Variants in PIK3R2 observed in about 807,000 individuals in gnomAD.
The protein encoded by PIK3R2 is phosphoinositide-3-kinase regulatory subunit 2.
Under a neutral mutation model 78.5 loss-of-function variants are expected in PIK3R2, and 40 were observed. That is an observed-to-expected ratio of 0.51 (90% CI 0.40 to 0.66). The LOEUF (loss-of-function observed/expected upper bound fraction) is 0.66, where lower values mean the gene tolerates loss of function less well. Ranked by LOEUF, PIK3R2 falls within the 30% of genes least tolerant of loss-of-function variation. The pLI is 0.00. For synonymous variants in PIK3R2, 473 were observed against 457.7 expected, an observed-to-expected ratio of 1.03 and a Z score of -0.43; for missense variants, 880 against 1,026.6, an observed-to-expected ratio of 0.86 and a Z score of 1.95.
In PIK3R2 at chr19:18,161,996, G is replaced by A. The variant is rs2147951468; in HGVS notation, c.846G>A (p.Leu282=). 6.2e-7 allele frequency: 1 copy of A among 1,614,054 alleles called. No individual in the cohort carries two copies. Among genetic ancestry groups the A allele is most frequent in the Non-Finnish European group, 8.5e-7 (1 of 1,179,966 alleles). ...GSEPSPDFPA[L]LVEKLLQEHL... ...AGCCCAGCCCTGACTTCCCGGCGCT[G>A]CTGGTGGAGAAGCTGCTTCAGGAAC... is the stretch of plus-strand genomic sequence containing the variant. Residue 282 remains leucine, a synonymous_variant, in exon 7 of 16, where the codon CTG becomes CTA. Coordinates refer to ENST00000222254, the MANE Select transcript of PIK3R2 (RefSeq NM_005027.4). This position sits in a 1 kb window ranked among gnomAD's most constrained non-coding sequence, Gnocchi z 5.3.
In PIK3R2 at chr19:18,156,228, A is replaced by AG. The variant is rs752802162; in HGVS notation, c.322+33dup. The AG allele has an allele frequency of 1.3e-4, 188 of 1,452,352 alleles. No individual in the cohort carries two copies. Among genetic ancestry groups the AG allele is most frequent in the East Asian group, 1.0e-3 (39 of 39,016 alleles). The allele number at this position is 1,452,352 out of a possible 1,614,324, so 90.0% of individuals were successfully genotyped here. A position where few individuals can be genotyped will look rare whatever the true frequency, so the allele number is the denominator to read the frequency against. Reference sequence around the variant, plus strand: ...TGAGCAGCAAGCAGGGGCCCTGGAAAGGGGGGTGGTCCCCTCAGACCCTTG... The same window carrying AG: ...TGAGCAGCAAGCAGGGGCCCTGGAAAGGGGGGGTGGTCCCCTCAGACCCTTG... On this transcript the variant is annotated intron_variant, in intron 2 of 15. Coordinates refer to ENST00000222254, the MANE Select transcript of PIK3R2 (RefSeq NM_005027.4). This position sits in a 1 kb window ranked among gnomAD's most constrained non-coding sequence, Gnocchi z 4.2.
chr19:18,158,649 A>G (rs2043706437), intron 2 of PIK3R2, among the ~76,000 whole-genome samples: 1 of 152,110 alleles, frequency 6.6e-6, no homozygotes, highest in Admixed American at 6.6e-5. Flanking sequence ...ATGAGAGGCA[A>G]TGTCATTGGC....
chr19:18,162,689 G>C (rs2043762615), intron 9 of PIK3R2, 183 bp downstream of exon 9: 4 of 617,168 alleles, frequency 6.5e-6, no homozygotes, highest in Middle Eastern at 4.3e-4. Context: ...TTTAAAACCA[G>C]CCTGGCCAAC....
intron 11 of PIK3R2, 82 bp from the exon 12 acceptor site, chr19:18,166,078 T>C (rs1288952641): frequency 1.3e-6 from 2 of 1,564,254 alleles, no homozygotes; most frequent in Non-Finnish European, 1.8e-6. Context: ...AGTCTCCGTA[T>C]CAGAGTTGAG....
Position 18,155,806 on chromosome 19 carries a change from T to C in PIK3R2, c.-74T>C. The C allele has an allele frequency of 7.2e-7, 1 of 1,386,528 alleles. No individual in the cohort carries two copies. The highest frequency in any genetic ancestry group is 9.6e-7 in the Non-Finnish European group (1 of 1,036,566). The allele number at this position is 1,386,528 out of a possible 1,614,324, so 85.9% of individuals were successfully genotyped here. ...CCAACCCAGCGGACCCTCCCAGCCC[T>C]GCTTCAACCAATGGGGCCAGTGGGG... On this transcript the variant is annotated 5_prime_UTR_variant, in exon 2 of 16. Coordinates refer to ENST00000222254, the MANE Select transcript of PIK3R2 (RefSeq NM_005027.4).
At chr19:18,157,332 C>T (rs983731701) in intron 2 of PIK3R2, among the ~76,000 whole-genome samples, 2 of 152,208 alleles carry the variant, frequency 1.3e-5, no homozygotes, top group Admixed American at 6.5e-5. Context: ...CCACCTCCCT[C>T]CTCTGCCTGG....
chr19:18,160,843 G>C, intron 3 of PIK3R2, 76 bp from the exon 4 acceptor site: 1 of 1,526,530 alleles, frequency 6.6e-7, no homozygotes, highest in Non-Finnish European at 8.9e-7. Context: ...CTGCAGGGGG[G>C]TTGAGCGGCC....
rs770445875 is a variant in PIK3R2 at position 18,160,961 on chromosome 19, C to T, written c.458C>T (p.Pro153Leu). The T allele has an allele frequency of 6.2e-6, 10 of 1,612,366 alleles. No individual in the cohort carries two copies. The African/African-American group carries it at 1.2e-4, about 19-fold the overall frequency. Residue 153 changes from proline (P) to leucine (L), a missense_variant, in exon 4 of 16, where the codon CCG (proline) becomes CTG (leucine). Physicochemically the swap from Pro to Leu is moderately conservative, Grantham distance 98. Around this residue, in one of 3 missense-constraint regions of PIK3R2, gnomAD observed 456 missense variants for 486.6 expected, o/e 0.94. Coordinates refer to ENST00000222254, the MANE Select transcript of PIK3R2 (RefSeq NM_005027.4). The part of the protein sequence containing the change: ...ESHYRPELPA[P>L]RTDWSLSDVD... ...CACTACCGCCCGGAGCTGCCCGCAC[C>T]GCGTACAGGTGAAGGGGAGCCTCAA...
Position 18,168,870 on chromosome 19 carries a change from G to A in PIK3R2, c.1953G>A (p.Gln651=), listed in dbSNP as rs112859649. The change falls in exon 15 of 16, where the codon CAG becomes CAA. Residue 651 remains glutamine (Q), a synonymous_variant. Coordinates refer to ENST00000222254, the MANE Select transcript of PIK3R2 (RefSeq NM_005027.4). The surrounding 1 kb of genome is among the most constrained non-coding windows in gnomAD (Gnocchi z 4.1). ...CCTTCCTCATCCGCGAGAGCAGCCAGCGGGGCTGCTACGCCTGCTCCGTGG... is the reference window on the plus strand; with the variant it reads ...CCTTCCTCATCCGCGAGAGCAGCCAACGGGGCTGCTACGCCTGCTCCGTGG... The part of the protein sequence containing the change: ...DGTFLIRESS[Q]RGCYACSVVV... The A allele has an allele frequency of 1.7e-4, 268 of 1,613,426 alleles. No homozygotes were observed. In the African/African-American group the frequency reaches 3.2e-3, roughly 19 times the overall value.
At position 18,155,681 on chromosome 19, in the gene PIK3R2, G is replaced by A. The variant is rs79144686; in HGVS notation, c.-199G>A. Reference sequence around the variant, plus strand: ...GCTGACGAATGGTGGACCCAGTGACGAGTGGCCCTTGTAAGGGTCATGGAA... The same window carrying A: ...GCTGACGAATGGTGGACCCAGTGACAAGTGGCCCTTGTAAGGGTCATGGAA... On this transcript the variant is annotated 5_prime_UTR_variant, in exon 2 of 16. Transcript: ENST00000222254. 8.9e-6 allele frequency: 5 copies of A among 559,196 alleles called. No individual in the cohort carries two copies. Among genetic ancestry groups the A allele is most frequent in the African/African-American group, 4.0e-5 (2 of 50,110 alleles). 34.6% of individuals were successfully genotyped at this position (559,196 alleles called of 1,614,324 possible).
Position 18,166,226 on chromosome 19 carries a change from G to A in PIK3R2, c.1483G>A (p.Gly495Ser), listed in dbSNP as rs776899735. The change falls in exon 12 of 16, where the codon GGC becomes AGC. Residue 495 changes from glycine to serine, a missense_variant. Transcript: ENST00000222254. Reference protein sequence around the residue: ...NETIKIFEEQGQTQEKCSKEY... With the variant: ...NETIKIFEEQSQTQEKCSKEY... ...GACTATCAAGATCTTTGAAGAGCAG[G>A]GCCAGACTCAAGAGAAATGCAGCAA... 1 of 1,613,974 alleles carries A rather than the reference G, an allele frequency of 6.2e-7. No homozygotes were observed. The highest frequency in any genetic ancestry group is 8.5e-7 in the Non-Finnish European group (1 of 1,179,992).
chr19:18,160,520 T>G lies in PIK3R2; in HGVS notation c.372T>G (p.Ala124=), dbSNP rs1242100967. The part of the protein sequence containing the change: ...LPEQFSPPDV[A]PPLLVKLVEA... ...AGCAGTTCTCCCCACCTGATGTGGCTCCCCCTCTTCTGGTGAAGCTTGTGG... is the reference window on the plus strand; with the variant it reads ...AGCAGTTCTCCCCACCTGATGTGGCGCCCCCTCTTCTGGTGAAGCTTGTGG... The change falls in exon 3 of 16, where the codon GCT becomes GCG. Residue 124 remains alanine (A), a synonymous_variant. Transcript: ENST00000222254. The G allele has an allele frequency of 6.2e-7, 1 of 1,613,602 alleles. No homozygotes were observed. Among genetic ancestry groups the G allele is most frequent in the Admixed American group, 1.7e-5 (1 of 59,978 alleles).
chr19:18,157,637 C>T (rs1407987077), intron 2 of PIK3R2, among the ~76,000 whole-genome samples: 2 of 152,190 alleles, frequency 1.3e-5, no homozygotes, highest in East Asian at 3.8e-4. Flanking sequence ...GAACCCCCTC[C>T]CCATTCTGCA....
chr19:18,167,192 A>G lies in PIK3R2; in HGVS notation c.1622A>G (p.Lys541Arg), dbSNP rs1195261837. ...RIAEIHESRTKLEQQLRAQAS... is the reference protein window; with the variant it reads ...RIAEIHESRTRLEQQLRAQAS... ...GCCGAGATCCATGAGAGCCGCACGAAGCTGGAGCAGCAGCTGCGGGCCCAG... is the reference window on the plus strand; with the variant it reads ...GCCGAGATCCATGAGAGCCGCACGAGGCTGGAGCAGCAGCTGCGGGCCCAG... Residue 541 changes from lysine (K) to arginine (R), a missense_variant, in exon 13 of 16, where the codon AAG becomes AGG. Physicochemically the swap from Lys to Arg is conservative, Grantham distance 26 (BLOSUM62 2). This residue lies in a region of PIK3R2 where 268 missense variants were observed against 299.1 expected (regional missense o/e 0.90). Transcript: ENST00000222254. This position sits in a 1 kb window ranked among gnomAD's most constrained non-coding sequence, Gnocchi z 4.5. 6.2e-7 allele frequency: 1 copy of G among 1,611,664 alleles called. No individual in the cohort carries two copies. Among genetic ancestry groups the G allele is most frequent in the Non-Finnish European group, 8.5e-7 (1 of 1,179,054 alleles).
intron 10 of PIK3R2, 28 bp downstream of exon 10, chr19:18,163,175 G>A (rs2147953431): frequency 3.1e-6 from 5 of 1,613,160 alleles, no homozygotes; most frequent in Non-Finnish European, 4.2e-6. Context: ...AGCCAGGGAG[G>A]GTAGCACCTG....
rs755225416 is a variant in PIK3R2, at chr19:18,156,967, G to A, written c.322+766G>A. 1.3e-5 allele frequency among the ~76,000 whole-genome samples: 2 copies of A among 152,140 alleles called. No individual in the cohort carries two copies. Among genetic ancestry groups the A allele is most frequent in the Non-Finnish European group, 2.9e-5 (2 of 68,008 alleles). On this transcript the variant is annotated intron_variant, in intron 2 of 15. Coordinates refer to ENST00000222254, the MANE Select transcript of PIK3R2 (RefSeq NM_005027.4). The surrounding 1 kb of genome is among the most constrained non-coding windows in gnomAD (Gnocchi z 4.2). ...GGAGGCTAAGAGGTGCTGCATGCTC[G>A]GCATGGTCTGCTCCGACCCTCCCAG...
chr19:18,160,073 T>C (rs565211479), intron 2 of PIK3R2, among the ~76,000 whole-genome samples: 1 of 152,274 alleles, frequency 6.6e-6, no homozygotes, highest in African/African-American at 2.4e-5. Context: ...AGCCAGTGGG[T>C]TTAGTGTCCA....
intron 15 of PIK3R2, 34 bp from the exon 16 acceptor site, chr19:18,169,053 G>C: frequency 6.3e-7 from 1 of 1,592,282 alleles, no homozygotes; most frequent in Non-Finnish European, 8.6e-7. Flanking sequence ...GGGGAGGCCA[G>C]CCTTCCGACT....
intron 11 of PIK3R2, among the ~76,000 whole-genome samples, chr19:18,163,745 C>T (rs2043777795): frequency 6.6e-6 from 1 of 152,132 alleles, no homozygotes; most frequent in South Asian, 2.1e-4. Flanking sequence ...TCCCTTGAGC[C>T]TGGGAGTTTG....
Sources: allele counts gnomAD v4.1 joint callset (sites outside exome capture counted in the v4.1 genomes callset), GRCh38; gene constraint gnomAD v4.1.1; regional missense constraint gnomAD v4.1.1; non-coding constraint Gnocchi (gnomAD v3.1); transcripts MANE v1.5; gene names NCBI Gene and HGNC (gene_info 2026-07-23, HGNC 2026-07-21).